Variants in CCDC187 observed in about 807,000 individuals in gnomAD.
CCDC187 encodes the protein coiled-coil domain-containing protein 187.
CCDC187 carries 32 observed loss-of-function variants against 38.0 expected under a neutral mutation model. That is an observed-to-expected ratio of 0.84 (90% confidence interval 0.64 to 1.13). CCDC187 has a LOEUF of 1.13. Among genes scored for constraint, CCDC187 ranks in the 50% most tolerant of loss-of-function variants. The pLI is 0.00. For synonymous variants in CCDC187, 333 were observed against 347.9 expected, an observed-to-expected ratio of 0.96 and a Z score of 0.48; for missense variants, 707 against 786.8, an observed-to-expected ratio of 0.90 and a Z score of 1.21.
chr9:136,280,032 A>G (rs1280571212), intron 10 of CCDC187, among the ~76,000 whole-genome samples: 1 of 152,186 alleles, frequency 6.6e-6, no homozygotes, highest in Non-Finnish European at 1.5e-5. Flanking sequence ...GAGCCAATAC[A>G]TTTCTGGTCA....
At chr9:136,271,811 G>C (rs565421617) in intron 14 of CCDC187, among the ~76,000 whole-genome samples, 6 of 152,040 alleles carry the variant, frequency 3.9e-5, no homozygotes, top group African/African-American at 1.2e-4. Flanking sequence ...GTTTCACCAT[G>C]TTAGCCAGGA....
rs1472650174 is a variant in CCDC187 at position 136,303,066 on chromosome 9, C to T, written c.371G>A (p.Gly124Asp). 2.5e-6 allele frequency: 1 copy of T among 398,602 alleles called. No homozygotes were observed. The highest frequency in any genetic ancestry group is 3.6e-5 in the East Asian group (1 of 28,076). 24.7% of individuals were successfully genotyped at this position (398,602 alleles called of 1,614,324 possible). ...CTTCCAAGACACACACACGTCGTGG[C>T]CCCCCGAAGAGCACGAGAGGCGGCC... is the stretch of plus-strand genomic sequence containing the variant. ...SSGRLSCSSG[G>D]HDVCVSWKER... Residue 124 changes from glycine (G) to aspartate (D), a missense_variant, in exon 2 of 26, where the codon GGC becomes GAC. Physicochemically the swap from Gly to Asp is moderately conservative, Grantham distance 94. Transcript: ENST00000638797.
Position 136,254,260 on chromosome 9 carries a change from CA to C in CCDC187, c.5567del (p.Val1856GlyfsTer41). On this transcript the variant is annotated frameshift_variant, in exon 26 of 26. Coordinates refer to ENST00000638797, the MANE Select transcript of CCDC187 (RefSeq NM_001378188.1). LOFTEE classifies it low-confidence loss of function (END_TRUNC). Reference protein sequence around the residue: ...ASGTSESLMGVSDTGEALQAP... With the variant: ...ASGTSESLMGXSDTGEALQAP... ...CCTGGAGGGCTTCTCCTGTGTCTGA[CA>C]CCCCCATCAGGCTCTCGCTGGTCCC... The C allele has an allele frequency of 2.0e-6, 2 of 984,656 alleles. No individual in the cohort carries two copies. The highest frequency in any genetic ancestry group is 2.4e-6 in the Non-Finnish European group (2 of 829,278). The allele number at this position is 984,656 out of a possible 1,614,324, so 61.0% of individuals were successfully genotyped here.
chr9:136,286,947 C>G (rs878987755), intron 7 of CCDC187, among the ~76,000 whole-genome samples: 38,312 of 152,154 alleles, frequency 0.25, 5,015 homozygotes, highest in Middle Eastern at 0.44. Flanking sequence ...GGTGTAAAAC[C>G]GTCCTGCTGT....
rs1830641587 is a variant in CCDC187, at chr9:136,258,478, G to C, written c.4366+454C>G. Among the ~76,000 whole-genome samples, 1 of 152,108 alleles carries C rather than the reference G, an allele frequency of 6.6e-6. No homozygotes were observed. Among genetic ancestry groups the C allele is most frequent in the South Asian group, 2.1e-4 (1 of 4,814 alleles). ...CGGCGGCTACCAGACGCACCACCAG[G>C]GTTCCCTGACACTGTGAGTGCATCT... On this transcript the variant is annotated intron_variant, in intron 22 of 25. Coordinates refer to ENST00000638797, the MANE Select transcript of CCDC187 (RefSeq NM_001378188.1). The surrounding 1 kb of genome is among the most constrained non-coding windows in gnomAD (Gnocchi z 4.3).
At chr9:136,295,267 G>C (rs1831507473) in intron 4 of CCDC187, among the ~76,000 whole-genome samples, 1 of 152,220 alleles carries the variant, frequency 6.6e-6, no homozygotes, top group Admixed American at 6.5e-5. Context: ...GACCCGCCTG[G>C]GGAGGGGCTG....
In CCDC187 at chr9:136,263,680, G is replaced by A. The variant is rs1349095945; in HGVS notation, c.3854C>T (p.Pro1285Leu). 31 of 985,320 alleles carry A rather than the reference G, an allele frequency of 3.1e-5. No individual in the cohort carries two copies. Among genetic ancestry groups the A allele is most frequent in the East Asian group, 1.1e-4 (1 of 8,832 alleles). The allele number at this position is 985,320 out of a possible 1,614,324, so 61.0% of individuals were successfully genotyped here. The change falls in exon 18 of 26, where the codon CCG becomes CTG. Residue 1285 changes from proline to leucine, a missense_variant. Coordinates refer to ENST00000638797, the MANE Select transcript of CCDC187 (RefSeq NM_001378188.1). Reference protein sequence around the residue: ...MPGPVDILPIPGPTDVVPAHE... With the variant: ...MPGPVDILPILGPTDVVPAHE... ...CGCTGGGACGACGTCCGTGGGCCCC[G>A]GGATGGGGAGGATGTCCACAGGCCC...
intron 15 of CCDC187, 200 bp from the exon 16 acceptor site, chr9:136,267,711 G>A (rs1830771881): frequency 2.2e-6 from 2 of 899,622 alleles, no homozygotes; most frequent in African/African-American, 1.8e-5. Context: ...ACTGTGAGCT[G>A]GCGGGGCAGG....
Position 136,254,107 on chromosome 9 carries a change from C to T in CCDC187, c.5721G>A (p.Glu1907=), listed in dbSNP as rs781910537. ...SEGADFGKGG[E]TSGYQEGTRD... ...GGGTTCCCTCCTGGTAGCCAGAAGT[C>T]TCTCCTCCTTTGCCGAAATCTGCCC... The change falls in exon 26 of 26, where the codon GAG becomes GAA. Residue 1907 remains glutamate (E), a synonymous_variant. Transcript: ENST00000638797. 5.1e-5 allele frequency: 50 copies of T among 985,480 alleles called. No homozygotes were observed. Among genetic ancestry groups the T allele is most frequent in the Non-Finnish European group, 5.9e-5 (49 of 829,984 alleles). The allele number at this position is 985,480 out of a possible 1,614,324, so 61.0% of individuals were successfully genotyped here.
chr9:136,258,552 C>T lies in CCDC187; in HGVS notation c.4366+380G>A, dbSNP rs1002397588. Among the ~76,000 whole-genome samples the T allele has an allele frequency of 6.6e-6, 1 of 152,146 alleles. No individual in the cohort carries two copies. Among genetic ancestry groups the T allele is most frequent in the African/African-American group, 2.4e-5 (1 of 41,412 alleles). ...GGGACTTGGCTCTCGGGGGGGGCCCCGGCCAAGTGTAAGGTTCAGAAAGAG... is the reference window on the plus strand; with the variant it reads ...GGGACTTGGCTCTCGGGGGGGGCCCTGGCCAAGTGTAAGGTTCAGAAAGAG... On this transcript the variant is annotated intron_variant, in intron 22 of 25. Coordinates refer to ENST00000638797, the MANE Select transcript of CCDC187 (RefSeq NM_001378188.1). This position sits in a 1 kb window ranked among gnomAD's most constrained non-coding sequence, Gnocchi z 4.3.
chr9:136,300,071 C>T (rs1384574739), intron 3 of CCDC187, 149 bp downstream of exon 3: 9 of 395,598 alleles, frequency 2.3e-5, no homozygotes, highest in Admixed American at 8.8e-5. Context: ...GGCAGTCTGG[C>T]TCCAAATCCC....
chr9:136,294,239 CGTG>C (rs1831478689), intron 4 of CCDC187, among the ~76,000 whole-genome samples: 1 of 151,250 alleles, frequency 6.6e-6, no homozygotes, highest in Non-Finnish European at 1.5e-5. Context: ...CACGCCCTCA[CGTG>C]GTCTCACACT....
At chr9:136,283,448 C>T (rs1005139355) in intron 9 of CCDC187, among the ~76,000 whole-genome samples, 3 of 152,238 alleles carry the variant, frequency 2.0e-5, no homozygotes, top group African/African-American at 7.2e-5. Context: ...CCTGGCTGCC[C>T]GAGCAGCGGC....
intron 2 of CCDC187, among the ~76,000 whole-genome samples, chr9:136,300,893 G>A (rs879176049): frequency 1.7e-4 from 26 of 152,286 alleles, no homozygotes; most frequent in African/African-American, 3.1e-4. Context: ...GAGCCACCGC[G>A]CCCAGCCTCA....
rs1830576709 is a variant in CCDC187 at position 136,253,678 on chromosome 9, G to A, written c.6150C>T (p.Thr2050=). 9 of 985,554 alleles carry A rather than the reference G, an allele frequency of 9.1e-6. No individual in the cohort carries two copies. In the South Asian group the frequency reaches 4.2e-4, roughly 46 times the overall value. The allele number at this position is 985,554 out of a possible 1,614,324, so 61.1% of individuals were successfully genotyped here. ...CAGACAAGGAGGACAAATCCTGGGT[G>A]GTGATGGCGGTGTCCTCCTCAAGGG... The part of the protein sequence containing the change: ...SGPLEEDTAI[T]TQDLSSLSEE... The change falls in exon 26 of 26, where the codon ACC becomes ACT. Residue 2050 remains threonine, a synonymous_variant. Transcript: ENST00000638797.
At chr9:136,289,892 C>A in intron 7 of CCDC187, 67 bp downstream of exon 7, 1 of 380,306 alleles carries the variant, frequency 2.6e-6, no homozygotes, top group Non-Finnish European at 4.5e-6. Context: ...AGAACGCACC[C>A]AGAACTGTTC....
At position 136,263,561 on chromosome 9, in the gene CCDC187, C is replaced by T. The variant is rs901267640; in HGVS notation, c.3912+61G>A. ...CAGGCATTTTTACAAGGGACTTGCA[C>T]GATCATGGGAAGGGGACAGCATTTC... On this transcript the variant is annotated intron_variant, in intron 18 of 25. Transcript: ENST00000638797. The T allele has an allele frequency of 5.6e-5, 55 of 979,336 alleles. No homozygotes were observed. The South Asian group carries it at 6.6e-4, about 12-fold the overall frequency. 60.7% of individuals were successfully genotyped at this position (979,336 alleles called of 1,614,324 possible).
chr9:136,271,221 C>G (rs1830834806), intron 14 of CCDC187, among the ~76,000 whole-genome samples: 1 of 152,078 alleles, frequency 6.6e-6, no homozygotes, highest in African/African-American at 2.4e-5. Flanking sequence ...CTCAACAAAC[C>G]CAGAGGACAA....
At chr9:136,275,593 G>A (rs1830916670) in intron 12 of CCDC187, among the ~76,000 whole-genome samples, 1 of 152,162 alleles carries the variant, frequency 6.6e-6, no homozygotes, top group Non-Finnish European at 1.5e-5. Context: ...ACAGAAGAAA[G>A]GTCCACCTCC....
Sources: gnomAD v4.1 joint callset for allele counts (sites outside exome capture counted in the v4.1 genomes callset) on GRCh38, gnomAD v4.1.1 for gene constraint, Gnocchi (gnomAD v3.1) non-coding constraint, MANE v1.5 for transcripts, NCBI Gene and HGNC (gene_info 2026-07-23, HGNC 2026-07-21) for gene names.